The following COLEC11 variants were observed in gnomAD, a reference collection of about 807,000 sequenced individuals.
COLEC11 encodes collectin subfamily member 11.
A neutral mutation model predicts 27.3 loss-of-function variants in COLEC11; 20 were observed. The observed-to-expected ratio is 0.73, with a 90% CI of 0.51 to 1.06. The LOEUF is 1.06. Ranked by LOEUF, COLEC11 falls within the 50% of genes least tolerant of loss-of-function variation. The probability of loss-of-function intolerance (pLI) is 0.00; values close to 1 mark genes in which losing one functional copy is unlikely to be tolerated. For synonymous variants in COLEC11, 163 were observed against 154.7 expected (o/e 1.05, Z -0.40); for missense variants, 310 against 383.0 (o/e 0.81, Z 1.59).
intron 2 of COLEC11, among the ~76,000 whole-genome samples, chr2:3,606,476 C>A (rs1256527249): frequency 6.6e-6 from 1 of 152,216 alleles, no homozygotes; most frequent in African/African-American, 2.4e-5. Flanking sequence ...GGTCACCTGT[C>A]CTCCCAAGCC....
chr2:3,604,039 C>G (rs1662439759), intron 1 of COLEC11: 2 of 578,390 alleles, frequency 3.5e-6, no homozygotes, highest in Admixed American at 6.0e-5. Context: ...AGATCGAACT[C>G]CTTGGGGTGG....
intron 1 of COLEC11, among the ~76,000 whole-genome samples, chr2:3,598,255 A>G (rs1225289049): frequency 6.6e-6 from 1 of 152,172 alleles, no homozygotes; most frequent in African/African-American, 2.4e-5. Context: ...ATTATTAGGA[A>G]TTTCAGGACA....
intron 1 of COLEC11, among the ~76,000 whole-genome samples, chr2:3,599,029 G>C (rs1662046025): frequency 1.5e-5 from 2 of 133,230 alleles, no homozygotes; most frequent in Non-Finnish European, 3.2e-5. Context: ...TTGATGCATG[G>C]GGAGAGGGTA....
chr2:3,614,098 T>C (rs1040748988), intron 3 of COLEC11, among the ~76,000 whole-genome samples: 36 of 151,544 alleles, frequency 2.4e-4, no homozygotes, highest in Admixed American at 2.2e-3. Context: ...TGCCTCAACC[T>C]GTTGAGTAGC....
chr2:3,605,830 C>G, intron 2 of COLEC11: 1 of 387,456 alleles, frequency 2.6e-6, no homozygotes, highest in Non-Finnish European at 4.8e-6. Flanking sequence ...TCCCGGGGCA[C>G]AGGGTCCGGA....
chr2:3,635,295 C>A (rs900623497), intron 3 of COLEC11, among the ~76,000 whole-genome samples: 3 of 152,098 alleles, frequency 2.0e-5, no homozygotes, highest in Non-Finnish European at 4.4e-5. Context: ...GGTGTCTCCC[C>A]AATCTGGGCG....
chr2:3,640,510 G>A (rs566346228), intron 5 of COLEC11, among the ~76,000 whole-genome samples, 179 bp downstream of exon 5: 8 of 18,402 alleles, frequency 4.3e-4, no homozygotes, highest in Admixed American at 8.1e-4. Flanking sequence ...CACATCCCAC[G>A]GTGGACACCC....
chr2:3,603,537 G>C (rs367705112), intron 1 of COLEC11: 5 of 1,006,412 alleles, frequency 5.0e-6, no homozygotes, highest in Non-Finnish European at 6.1e-6. Context: ...GACTGGTCTC[G>C]AACTCCCGAC....
At chr2:3,598,128 G>C (rs938336480) in intron 1 of COLEC11, among the ~76,000 whole-genome samples, 1 of 152,034 alleles carries the variant, frequency 6.6e-6, no homozygotes, top group Non-Finnish European at 1.5e-5. Flanking sequence ...TAGAGACAGG[G>C]TTTCACCATG....
intron 1 of COLEC11, chr2:3,603,977 T>C: frequency 1.8e-6 from 1 of 565,772 alleles, no homozygotes; most frequent in South Asian, 2.2e-5. Context: ...CTGGCTATGC[T>C]GTGTGGAGAC....
chr2:3,611,032 C>T (rs1193042582), intron 2 of COLEC11, among the ~76,000 whole-genome samples: 1 of 152,198 alleles, frequency 6.6e-6, no homozygotes, highest in Non-Finnish European at 1.5e-5. Flanking sequence ...TGGTTCTCCG[C>T]AGGCCCTTTC....
Position 3,621,195 on chromosome 2 carries a change from A to G in COLEC11, c.202+7813A>G, listed in dbSNP as rs543300350. Among the ~76,000 whole-genome samples the G allele has an allele frequency of 5.3e-5, 8 of 152,344 alleles. No individual in the cohort carries two copies. In the South Asian group the frequency reaches 1.7e-3, roughly 32 times the overall value. ...CTGTTAATATTTGCTTTACATATTT[A>G]GGTGCTCCAATGTTGAATGTGTGTA... On this transcript the variant is annotated intron_variant, in intron 3 of 6. Coordinates refer to ENST00000349077, the MANE Select transcript of COLEC11 (RefSeq NM_024027.5).
chr2:3,617,083 C>A (rs1455859067), intron 3 of COLEC11, among the ~76,000 whole-genome samples: 2 of 151,854 alleles, frequency 1.3e-5, no homozygotes, highest in Admixed American at 1.3e-4. Flanking sequence ...GGCTATGGAC[C>A]CAGTAGTGAC....
intron 3 of COLEC11, among the ~76,000 whole-genome samples, chr2:3,619,204 TTCTC>T (rs1664002563): frequency 6.6e-6 from 1 of 151,512 alleles, no homozygotes; most frequent in Admixed American, 6.6e-5. Flanking sequence ...CTTCCTTTCT[TTCTC>T]TCTTTCCTTT....
chr2:3,599,489 T>A (rs1662073513), intron 1 of COLEC11, among the ~76,000 whole-genome samples: 1 of 152,212 alleles, frequency 6.6e-6, no homozygotes, highest in Non-Finnish European at 1.5e-5. Flanking sequence ...CACAGTAGGA[T>A]CAGGAGCTGC....
At chr2:3,605,128 G>A (rs941166211) in intron 2 of COLEC11, 1 of 468,072 alleles carries the variant, frequency 2.1e-6, no homozygotes, top group African/African-American at 2.0e-5. Context: ...GAGGCAACAG[G>A]TCCCCAAGCC....
chr2:3,629,105 T>C (rs1315337526), intron 3 of COLEC11, among the ~76,000 whole-genome samples: 1 of 152,220 alleles, frequency 6.6e-6, no homozygotes, highest in African/African-American at 2.4e-5. Flanking sequence ...AGGGCTCTTG[T>C]TCTCATCTGC....
intron 3 of COLEC11, among the ~76,000 whole-genome samples, chr2:3,625,777 C>T (rs938567553): frequency 1.3e-5 from 2 of 151,948 alleles, no homozygotes; most frequent in South Asian, 2.1e-4. Flanking sequence ...GGATTACAGG[C>T]GCCCACCACC....
At chr2:3,610,078 G>A (rs952793483) in intron 2 of COLEC11, among the ~76,000 whole-genome samples, 28 of 152,228 alleles carry the variant, frequency 1.8e-4, no homozygotes, top group African/African-American at 5.5e-4. Flanking sequence ...GAGAGGAGAC[G>A]AGGGTGAGTA....
Sources: gnomAD v4.1 joint callset for allele counts (sites outside exome capture counted in the v4.1 genomes callset) on GRCh38, gnomAD v4.1.1 for gene constraint, MANE v1.5 for transcripts, NCBI Gene and HGNC (gene_info 2026-07-23, HGNC 2026-07-21) for gene names.